Variants in TMEM134 observed in about 807,000 individuals in gnomAD.
TMEM134 encodes transmembrane protein 134.
In TMEM134, 36 loss-of-function variants were observed where a neutral mutation model predicts 26.2. The ratio of observed to expected loss-of-function variants is 1.37; its 90% CI spans 1.05 to 1.81. The LOEUF is 1.81. TMEM134 is among the 40% of genes most tolerant of loss of function. The probability of loss-of-function intolerance (pLI) is 0.00; values close to 1 mark genes in which losing one functional copy is unlikely to be tolerated. For synonymous variants in TMEM134, 133 were observed against 113.6 expected (o/e 1.17, Z -1.08); for missense variants, 339 against 263.5 (o/e 1.29, Z -1.98).
At chr11:67,467,437 G>C (rs758104228) in intron 3 of TMEM134, 49 bp from the exon 4 acceptor site, 3 of 1,611,396 alleles carry the variant, frequency 1.9e-6, no homozygotes, top group Non-Finnish European at 2.5e-6. Context: ...GAGGGAGGGG[G>C]TGCAGGAGGC....
intron 4 of TMEM134, chr11:67,466,788 C>T (rs1865277628): frequency 6.0e-6 from 1 of 165,928 alleles, no homozygotes; most frequent in Non-Finnish European, 1.3e-5. Context: ...TGCTCTGGAC[C>T]AAAAGTTCCC....
At chr11:67,464,954 GA>G in intron 5 of TMEM134, 98 bp from the exon 6 acceptor site, 1 of 1,536,640 alleles carries the variant, frequency 6.5e-7, no homozygotes, top group Non-Finnish European at 8.9e-7. Flanking sequence ...ACTCCCAGCT[GA>G]AAAGGAGCCG....
Position 67,462,657 on chromosome 11 carries a change from T to C in TMEM134, c.*1957A>G, listed in dbSNP as rs1318221494. On this transcript the variant is annotated 3_prime_UTR_variant, in exon 7 of 7. Coordinates refer to ENST00000308022, the MANE Select transcript of TMEM134 (RefSeq NM_025124.4). ...CATGAGCCACCACGCCCAGCCTCTG[T>C]ATGTTTTTTATTTCATTTTTCTAGT... 6.6e-6 allele frequency: 1 copy of C among 151,186 alleles called. No homozygotes were observed. The highest frequency in any genetic ancestry group is 1.5e-5 in the Non-Finnish European group (1 of 67,796). 9.4% of individuals were successfully genotyped at this position (151,186 alleles called of 1,614,324 possible). A position where few individuals can be genotyped will look rare whatever the true frequency, so the allele number is the denominator to read the frequency against.
In TMEM134 at chr11:67,463,242, T is replaced by G. The variant is rs895597104; in HGVS notation, c.*1372A>C. On this transcript the variant is annotated 3_prime_UTR_variant, in exon 7 of 7. Coordinates refer to ENST00000308022, the MANE Select transcript of TMEM134 (RefSeq NM_025124.4). ...CCGCTGTGTTGGGTGCTGCAGACAG[T>G]GGTTTGTGGGACCCGTGTTTTGGTG... is the stretch of plus-strand genomic sequence containing the variant. 1.3e-5 allele frequency: 2 copies of G among 152,206 alleles called. No individual in the cohort carries two copies. Among genetic ancestry groups the G allele is most frequent in the Non-Finnish European group, 2.9e-5 (2 of 68,086 alleles). 9.4% of individuals were successfully genotyped at this position (152,206 alleles called of 1,614,324 possible).
At position 67,467,952 on chromosome 11, in the gene TMEM134, G is replaced by A. The variant is rs567188798; in HGVS notation, c.239+76C>T. ...GATGGAAGAGAGTGAGTGAAGTGGG[G>A]TGGGTGACTGAGCAGGGTCCCTGGG... On this transcript the variant is annotated intron_variant, in intron 2 of 6. Transcript: ENST00000308022. 7.6e-6 allele frequency: 10 copies of A among 1,320,756 alleles called. No homozygotes were observed. In the South Asian group the frequency reaches 1.0e-4, roughly 13 times the overall value. 81.8% of individuals were successfully genotyped at this position (1,320,756 alleles called of 1,614,324 possible). A position where few individuals can be genotyped will look rare whatever the true frequency, so the allele number is the denominator to read the frequency against.
chr11:67,468,321 A>G, intron 1 of TMEM134: 1 of 549,156 alleles, frequency 1.8e-6, no homozygotes, highest in Non-Finnish European at 3.3e-6. Flanking sequence ...ATCCCAGGGA[A>G]AGGAGAGCTC....
chr11:67,467,374 G>A lies in TMEM134; in HGVS notation c.344C>T (p.Pro115Leu). ...YNTCCSWTQHPLIQKNRRVVL... is the reference protein window; with the variant it reads ...YNTCCSWTQHLLIQKNRRVVL... Reference sequence around the variant, plus strand: ...CACTCGGCGGTTCTTCTGGATCAAAGGGTGTTGGGTCCAGCTGGGTGGCAG... The same window carrying A: ...CACTCGGCGGTTCTTCTGGATCAAAAGGTGTTGGGTCCAGCTGGGTGGCAG... Residue 115 changes from proline to leucine, a missense_variant, in exon 4 of 7, where the codon CCT (proline) becomes CTT (leucine). Coordinates refer to ENST00000308022, the MANE Select transcript of TMEM134 (RefSeq NM_025124.4). 1 of 1,613,944 alleles carries A rather than the reference G, an allele frequency of 6.2e-7. No homozygotes were observed. The highest frequency in any genetic ancestry group is 8.5e-7 in the Non-Finnish European group (1 of 1,179,918).
Position 67,462,265 on chromosome 11 carries a change from T to C in TMEM134, c.*2349A>G, listed in dbSNP as rs1455783383. ...GTTCATATTCAATGGTTTTTGTCATTTTTCCTTTTTCCTATGTTTGTTCTG... is the reference window on the plus strand; with the variant it reads ...GTTCATATTCAATGGTTTTTGTCATCTTTCCTTTTTCCTATGTTTGTTCTG... On this transcript the variant is annotated 3_prime_UTR_variant, in exon 7 of 7. Coordinates refer to ENST00000308022, the MANE Select transcript of TMEM134 (RefSeq NM_025124.4). 1 of 152,172 alleles carries C rather than the reference T, an allele frequency of 6.6e-6. No individual in the cohort carries two copies. Among genetic ancestry groups the C allele is most frequent in the Non-Finnish European group, 1.5e-5 (1 of 68,028 alleles). The allele number at this position is 152,172 out of a possible 1,614,324, so 9.4% of individuals were successfully genotyped here.
chr11:67,465,128 G>C (rs1272150473), intron 4 of TMEM134, 28 bp from the exon 5 acceptor site: 2 of 1,557,392 alleles, frequency 1.3e-6, no homozygotes, highest in African/African-American at 2.7e-5. Context: ...CGCGGGGGTG[G>C]GGGCAGGAGC....
intron 4 of TMEM134, chr11:67,466,096 G>A (rs1865227518): frequency 6.6e-6 from 1 of 152,332 alleles, no homozygotes. Flanking sequence ...GGCTGGGCGT[G>A]GTGGCTCACG....
rs148265102 is a variant in TMEM134, at chr11:67,467,939, T to C, written c.239+89A>G. The C allele has an allele frequency of 7.1e-5, 85 of 1,189,924 alleles. No homozygotes were observed. The East Asian group carries it at 2.1e-3, about 30-fold the overall frequency. The allele number at this position is 1,189,924 out of a possible 1,614,324, so 73.7% of individuals were successfully genotyped here. A position where few individuals can be genotyped will look rare whatever the true frequency, so the allele number is the denominator to read the frequency against. On this transcript the variant is annotated intron_variant, in intron 2 of 6. Coordinates refer to ENST00000308022, the MANE Select transcript of TMEM134 (RefSeq NM_025124.4). ...ATCAATAGGACGGGATGGAAGAGAGTGAGTGAAGTGGGGTGGGTGACTGAG... is the reference window on the plus strand; with the variant it reads ...ATCAATAGGACGGGATGGAAGAGAGCGAGTGAAGTGGGGTGGGTGACTGAG...
At position 67,467,496 on chromosome 11, in the gene TMEM134, C is replaced by G. The variant is rs377288589; in HGVS notation, c.329+5G>C. ...TCGGCTGGGGGCTTAGGCGGGCAGGCTCACCTGCAGCAGGTGTTGTAGGAG... is the reference window on the plus strand; with the variant it reads ...TCGGCTGGGGGCTTAGGCGGGCAGGGTCACCTGCAGCAGGTGTTGTAGGAG... On this transcript the variant is annotated splice_donor_5th_base_variant and intron_variant, in intron 3 of 6. Transcript: ENST00000308022. The G allele has an allele frequency of 6.2e-7, 1 of 1,613,850 alleles. No individual in the cohort carries two copies. The highest frequency in any genetic ancestry group is 1.1e-5 in the South Asian group (1 of 91,070).
At position 67,464,266 on chromosome 11, in the gene TMEM134, A is replaced by C. The variant is rs929666292; in HGVS notation, c.*348T>G. On this transcript the variant is annotated 3_prime_UTR_variant, in exon 7 of 7. Transcript: ENST00000308022. Reference sequence around the variant, plus strand: ...CGTTCGGTGGTGCTCGAAGCCCTTCAGCGTCAGGGTCAGTCCTTGGGAGGG... The same window carrying C: ...CGTTCGGTGGTGCTCGAAGCCCTTCCGCGTCAGGGTCAGTCCTTGGGAGGG... 12 of 387,840 alleles carry C rather than the reference A, an allele frequency of 3.1e-5. No homozygotes were observed. The highest frequency in any genetic ancestry group is 2.3e-4 in the African/African-American group (11 of 47,504). The allele number at this position is 387,840 out of a possible 1,614,324, so 24.0% of individuals were successfully genotyped here. A position where few individuals can be genotyped will look rare whatever the true frequency, so the allele number is the denominator to read the frequency against.
rs1865147967 is a variant in TMEM134, at chr11:67,464,843, G to A, written c.465C>T (p.Ala155=). The A allele has an allele frequency of 6.2e-7, 1 of 1,610,560 alleles. No individual in the cohort carries two copies. The highest frequency in any genetic ancestry group is 2.2e-5 in the East Asian group (1 of 44,854). ...EATPSPGVSS[A]IFFVPGFLLL... is the part of the protein sequence containing the mutation. The stretch of plus-strand genomic sequence containing the variant: ...ACAGGAAGCCCGGCACGAAGAAGAT[G>A]GCGCTGGAGACACCTGCGGGAGGGA... The change falls in exon 6 of 7, where the codon GCC becomes GCT. Residue 155 remains alanine, a synonymous_variant. Transcript: ENST00000308022.
At position 67,465,118 on chromosome 11, in the gene TMEM134, C is replaced by CAGCACCACTCG; in HGVS notation, c.407-19_407-18insCGAGTGGTGCT. The CAGCACCACTCG allele has an allele frequency of 6.4e-7, 1 of 1,567,532 alleles. No homozygotes were observed. The highest frequency in any genetic ancestry group is 1.9e-5 in the Admixed American group (1 of 53,576). On this transcript the variant is annotated intron_variant, in intron 4 of 6. Transcript: ENST00000308022. ...GATCAGCACTGCACACAGACGGAGC[C>CAGCACCACTCG]GCGGGGGTGGGGGCAGGAGCAGTGG...
rs1490614960 is a variant in TMEM134 at position 67,462,668 on chromosome 11, T to G, written c.*1946A>C. 6.6e-6 allele frequency: 1 copy of G among 151,212 alleles called. No individual in the cohort carries two copies. Among genetic ancestry groups the G allele is most frequent in the Non-Finnish European group, 1.5e-5 (1 of 67,836 alleles). The allele number at this position is 151,212 out of a possible 1,614,324, so 9.4% of individuals were successfully genotyped here. On this transcript the variant is annotated 3_prime_UTR_variant, in exon 7 of 7. Transcript: ENST00000308022. ...ACGCCCAGCCTCTGTATGTTTTTTATTTCATTTTTCTAGTTTTTAAAATTT... is the reference window on the plus strand; with the variant it reads ...ACGCCCAGCCTCTGTATGTTTTTTAGTTCATTTTTCTAGTTTTTAAAATTT...
rs1446396398 is a variant in TMEM134 at position 67,463,508 on chromosome 11, A to C, written c.*1106T>G. The C allele has an allele frequency of 6.6e-6, 1 of 151,800 alleles. No homozygotes were observed. The highest frequency in any genetic ancestry group is 1.5e-5 in the Non-Finnish European group (1 of 67,986). The allele number at this position is 151,800 out of a possible 1,614,324, so 9.4% of individuals were successfully genotyped here. On this transcript the variant is annotated 3_prime_UTR_variant, in exon 7 of 7. Transcript: ENST00000308022. ...GGACGGAGGTAGTGAAGATTACAAGATATAACCCGTGTTCAGTGCTTAGCG... is the reference window on the plus strand; with the variant it reads ...GGACGGAGGTAGTGAAGATTACAAGCTATAACCCGTGTTCAGTGCTTAGCG...
chr11:67,465,180 C>T, intron 4 of TMEM134, 80 bp from the exon 5 acceptor site: 16 of 1,535,502 alleles, frequency 1.0e-5, no homozygotes, highest in Non-Finnish European at 1.3e-5. Context: ...CCGGCTCACC[C>T]ACCACCTGAG....
intron 1 of TMEM134, among the ~76,000 whole-genome samples, 163 bp downstream of exon 1, chr11:67,468,855 TG>T (rs1401154726): frequency 6.6e-6 from 1 of 152,018 alleles, no homozygotes; most frequent in African/African-American, 2.4e-5. Flanking sequence ...CGGGAGGGCC[TG>T]GGCAGGGCTC....
Sources: allele counts gnomAD v4.1 joint callset (sites outside exome capture counted in the v4.1 genomes callset), GRCh38; gene constraint gnomAD v4.1.1; transcripts MANE v1.5; gene names NCBI Gene and HGNC (gene_info 2026-07-23, HGNC 2026-07-21).